NTNG1: variants seen among roughly 807,000 people sequenced by gnomAD.
NTNG1 encodes the protein netrin G1.
A neutral mutation model predicts 54.0 loss-of-function variants in NTNG1; 16 were observed. The ratio of observed to expected loss-of-function variants is 0.30; its 90% CI spans 0.20 to 0.45. NTNG1 has a LOEUF of 0.45. Among genes scored for constraint, NTNG1 ranks in the 20% least tolerant of loss-of-function variants. NTNG1 has a pLI of 1.00. For synonymous variants in NTNG1, 255 were observed against 263.1 expected (o/e 0.97, Z 0.30); for missense variants, 530 against 678.7 (o/e 0.78, Z 2.43).
At chr1:107,156,806 T>C (rs932754264) in intron 2 of NTNG1, among the ~76,000 whole-genome samples, 3 of 152,168 alleles carry the variant, frequency 2.0e-5, no homozygotes, top group African/African-American at 7.2e-5. Context: ...GGTCCCACTC[T>C]CTGGTCATTG....
At chr1:107,157,510 G>A (rs1314332929) in intron 2 of NTNG1, among the ~76,000 whole-genome samples, 2 of 152,054 alleles carry the variant, frequency 1.3e-5, no homozygotes, top group East Asian at 3.9e-4. Context: ...TACACTAAAA[G>A]GCCTTAGCAA....
rs200420469 is a variant in NTNG1, at chr1:107,429,579, GC to G, written c.1088-1170del. Among the ~76,000 whole-genome samples, 1,806 of 152,190 alleles carry G rather than the reference GC, an allele frequency of 0.012. 85 individuals are homozygous for G. The East Asian group carries it at 0.17, about 15-fold the overall frequency. On this transcript the variant is annotated intron_variant, in intron 5 of 7. Coordinates refer to ENST00000370068, the MANE Select transcript of NTNG1 (RefSeq NM_001113226.3). ...ATGAATGTGTTCAAATAATGACTGTGCTTGGCTTTCTAGTGGGATAAAATAA... is the reference window on the plus strand; with the variant it reads ...ATGAATGTGTTCAAATAATGACTGTGTTGGCTTTCTAGTGGGATAAAATAA...
chr1:107,391,856 T>C (rs1672385917), intron 3 of NTNG1, among the ~76,000 whole-genome samples: 2 of 152,076 alleles, frequency 1.3e-5, no homozygotes, highest in Non-Finnish European at 2.9e-5. Flanking sequence ...CTCCCTAGCA[T>C]TGGAGATCAC....
intron 3 of NTNG1, among the ~76,000 whole-genome samples, chr1:107,341,637 C>T (rs1369969213): frequency 1.3e-5 from 2 of 152,062 alleles, no homozygotes; most frequent in Non-Finnish European, 2.9e-5. Flanking sequence ...GATTCATTGG[C>T]TCATCCTACA....
chr1:107,417,350 A>T (rs567841121), intron 5 of NTNG1, among the ~76,000 whole-genome samples: 188 of 152,214 alleles, frequency 1.2e-3, no homozygotes, highest in Non-Finnish European at 2.2e-3. Flanking sequence ...ACAAATATTT[A>T]AAAAAGCAAA....
chr1:107,469,082 A>T lies in NTNG1; in HGVS notation c.1391-11529A>T, dbSNP rs182386223. Among the ~76,000 whole-genome samples, 974 of 141,520 alleles carry T rather than the reference A, an allele frequency of 6.9e-3. 6 individuals are homozygous for T. The highest frequency in any genetic ancestry group is 0.019 in the South Asian group (80 of 4,154). 92.8% of individuals were successfully genotyped at this position (141,520 alleles called of 152,430 possible). Reference sequence around the variant, plus strand: ...ACTGCACTCCAGCCTGGGTGACAGGATCAAAACTCCATTTCAAAAAAAAAA... The same window carrying T: ...ACTGCACTCCAGCCTGGGTGACAGGTTCAAAACTCCATTTCAAAAAAAAAA... On this transcript the variant is annotated intron_variant, in intron 7 of 7. Transcript: ENST00000370068.
rs151001860 is a variant in NTNG1 at position 107,455,676 on chromosome 1, G to A, written c.1390+18877G>A. The A allele has an allele frequency of 3.1e-3, 1,444 of 471,504 alleles. 3 individuals carry two copies. Among genetic ancestry groups the A allele is most frequent in the Middle Eastern group, 9.8e-3 (30 of 3,076 alleles). 29.2% of individuals were successfully genotyped at this position (471,504 alleles called of 1,614,324 possible). ...CACTGCAGCCATTTCTGTGAAATGA[G>A]GTGACAGCACTGGAGAGCATGACAA... On this transcript the variant is annotated intron_variant, in intron 7 of 7. Transcript: ENST00000370068.
chr1:107,395,209 T>A lies in NTNG1; in HGVS notation c.943T>A (p.Cys315Ser). 6.2e-7 allele frequency: 1 copy of A among 1,613,488 alleles called. No individual in the cohort carries two copies. The highest frequency in any genetic ancestry group is 8.5e-7 in the Non-Finnish European group (1 of 1,179,578). ...VCVYDNSKLTCECEHNTTGPD... is the reference protein window; with the variant it reads ...VCVYDNSKLTSECEHNTTGPD... ...TGTGTATGACAACAGCAAATTGACA[T>A]GCGAATGTGAGCACAACACTACAGG... The change falls in exon 4 of 8, where the codon TGC (cysteine) becomes AGC (serine). Residue 315 changes from cysteine (C) to serine (S), a missense_variant. This residue lies in a region of NTNG1 where 318 missense variants were observed against 465.1 expected (regional missense o/e 0.68). Transcript: ENST00000370068.
At chr1:107,415,149 C>A (rs1674109950) in intron 5 of NTNG1, among the ~76,000 whole-genome samples, 1 of 152,098 alleles carries the variant, frequency 6.6e-6, no homozygotes, top group African/African-American at 2.4e-5. Context: ...GGTATGGAAC[C>A]AGCATCCTTA....
intron 4 of NTNG1, among the ~76,000 whole-genome samples, chr1:107,396,514 C>T (rs1672695136): frequency 6.6e-6 from 1 of 152,106 alleles, no homozygotes; most frequent in South Asian, 2.1e-4. Flanking sequence ...ACTTCTTGCT[C>T]CTAAAATTAA....
chr1:107,376,011 C>T (rs1185778566), intron 3 of NTNG1, among the ~76,000 whole-genome samples: 2 of 152,220 alleles, frequency 1.3e-5, no homozygotes, highest in African/African-American at 2.4e-5. Context: ...GCCTAGAAAA[C>T]AATAATAGTA....
chr1:107,430,301 C>T (rs1367410915), intron 5 of NTNG1, among the ~76,000 whole-genome samples: 2 of 152,080 alleles, frequency 1.3e-5, no homozygotes, highest in South Asian at 2.1e-4. Context: ...CTAAAGGAGC[C>T]ATGGTGATGG....
intron 5 of NTNG1, among the ~76,000 whole-genome samples, chr1:107,428,492 CTCT>C: frequency 6.6e-6 from 1 of 152,090 alleles, no homozygotes; most frequent in South Asian, 2.1e-4. Context: ...TTGAACAAAG[CTCT>C]ATTAATTAAA....
intron 3 of NTNG1, among the ~76,000 whole-genome samples, chr1:107,369,653 T>C (rs1670804247): frequency 6.6e-6 from 1 of 152,168 alleles, no homozygotes; most frequent in Non-Finnish European, 1.5e-5. Flanking sequence ...ATATTCTTTG[T>C]CACATGTATG....
chr1:107,347,389 C>T (rs1669312952), intron 3 of NTNG1, among the ~76,000 whole-genome samples: 1 of 152,104 alleles, frequency 6.6e-6, no homozygotes, highest in Admixed American at 6.5e-5. Context: ...GTGGTGGGTG[C>T]CTGTAGCACC....
Position 107,480,639 on chromosome 1 carries a change from C to T in NTNG1, c.1419C>T (p.His473=). The T allele has an allele frequency of 6.3e-7, 1 of 1,587,346 alleles. No individual in the cohort carries two copies. ...ATGTCTGCGACAACGAGCTCCTGCA[C>T]TGCCAGAACGGAGGGACGTGCCACA... ...QPNVCDNELL[H]CQNGGTCHNN... is the part of the protein sequence containing the mutation. The change falls in exon 8 of 8, where the codon CAC becomes CAT. Residue 473 remains histidine, a synonymous_variant. Coordinates refer to ENST00000370068, the MANE Select transcript of NTNG1 (RefSeq NM_001113226.3).
chr1:107,342,688 G>A lies in NTNG1; in HGVS notation c.887+17766G>A, dbSNP rs141403795. On this transcript the variant is annotated intron_variant, in intron 3 of 7. Transcript: ENST00000370068. Reference sequence around the variant, plus strand: ...ACCCCAACATTACTAATACTCCCCTGGCCTTTTAAATTCTCCAAGTTCATC... The same window carrying A: ...ACCCCAACATTACTAATACTCCCCTAGCCTTTTAAATTCTCCAAGTTCATC... 1.3e-4 allele frequency among the ~76,000 whole-genome samples: 20 copies of A among 152,070 alleles called. No homozygotes were observed. In the East Asian group the frequency reaches 3.9e-3, roughly 29 times the overall value.
At chr1:107,261,569 A>G (rs1570523492) in intron 2 of NTNG1, among the ~76,000 whole-genome samples, 1 of 152,124 alleles carries the variant, frequency 6.6e-6, no homozygotes, top group South Asian at 2.1e-4. Flanking sequence ...TAGGGCCAGG[A>G]GCGGTGGCTC....
At chr1:107,300,364 C>CA (rs1666246598) in intron 2 of NTNG1, among the ~76,000 whole-genome samples, 1 of 152,062 alleles carries the variant, frequency 6.6e-6, no homozygotes, top group African/African-American at 2.4e-5. Context: ...GAGAATTTGG[C>CA]AATATTACAT....
Sources: allele counts gnomAD v4.1 joint callset (sites outside exome capture counted in the v4.1 genomes callset), GRCh38; gene constraint gnomAD v4.1.1; regional missense constraint gnomAD v4.1.1; transcripts MANE v1.5; gene names NCBI Gene and HGNC (gene_info 2026-07-23, HGNC 2026-07-21).